ZDHHC14: variants seen among roughly 807,000 people sequenced by gnomAD.
ZDHHC14 encodes palmitoyltransferase ZDHHC14.
Under a neutral mutation model 47.7 loss-of-function variants are expected in ZDHHC14, and 16 were observed. The ratio of observed to expected loss-of-function variants is 0.34; its 90% CI spans 0.23 to 0.51. ZDHHC14 has a LOEUF of 0.51. Among genes scored for constraint, ZDHHC14 ranks in the 20% least tolerant of loss-of-function variants. The probability of loss-of-function intolerance (pLI) is 0.97; values close to 1 mark genes in which losing one functional copy is unlikely to be tolerated. For missense variants in ZDHHC14, 515 were observed against 662.5 expected (o/e 0.78, Z 2.44); for synonymous variants, 293 against 278.9 (o/e 1.05, Z -0.50).
intron 1 of ZDHHC14, among the ~76,000 whole-genome samples, chr6:157,414,821 C>T (rs377223864): frequency 8.9e-6 from 1 of 111,992 alleles, no homozygotes; most frequent in Non-Finnish European, 1.7e-5. Context: ...AGGTTTGCAG[C>T]TTTTTTTTTT....
chr6:157,383,406 A>G (rs1777252728), intron 1 of ZDHHC14, among the ~76,000 whole-genome samples: 1 of 152,200 alleles, frequency 6.6e-6, no homozygotes, highest in Admixed American at 6.5e-5. Context: ...GGTAGGCTCA[A>G]TTAAAACCTT....
chr6:157,602,623 G>A (rs1326555526), intron 3 of ZDHHC14, among the ~76,000 whole-genome samples: 1 of 152,134 alleles, frequency 6.6e-6, no homozygotes, highest in Non-Finnish European at 1.5e-5. Flanking sequence ...TAGACTACCT[G>A]GGGTACTGAA....
At chr6:157,614,817 C>T (rs1178212364) in intron 3 of ZDHHC14, among the ~76,000 whole-genome samples, 1 of 151,634 alleles carries the variant, frequency 6.6e-6, no homozygotes, top group Non-Finnish European at 1.5e-5. Flanking sequence ...GTCACCCACG[C>T]TGGAGTGCAA....
At chr6:157,390,999 A>G (rs1583604615) in intron 1 of ZDHHC14, among the ~76,000 whole-genome samples, 2 of 152,130 alleles carry the variant, frequency 1.3e-5, no homozygotes, top group Non-Finnish European at 1.5e-5. Context: ...TTCTTTTTTC[A>G]GGCCACTAGT....
intron 1 of ZDHHC14, among the ~76,000 whole-genome samples, chr6:157,512,783 T>G (rs1780541150): frequency 6.6e-6 from 1 of 152,250 alleles, no homozygotes; most frequent in African/African-American, 2.4e-5. Context: ...TTTTCTAATC[T>G]GTACACTCAT....
chr6:157,481,063 A>G (rs1387087310), intron 1 of ZDHHC14, among the ~76,000 whole-genome samples: 1 of 152,118 alleles, frequency 6.6e-6, no homozygotes, highest in Non-Finnish European at 1.5e-5. Context: ...CGAAACCATT[A>G]TTTTCTATTT....
chr6:157,435,566 G>T (rs1778424451), intron 1 of ZDHHC14, among the ~76,000 whole-genome samples: 1 of 151,718 alleles, frequency 6.6e-6, no homozygotes, highest in Non-Finnish European at 1.5e-5. Context: ...TTAAGATAGG[G>T]TCTGGCTCTT....
chr6:157,672,901 C>G lies in ZDHHC14; in HGVS notation c.1246C>G (p.Pro416Ala). The G allele has an allele frequency of 1.9e-6, 3 of 1,605,350 alleles. No individual in the cohort carries two copies. The highest frequency in any genetic ancestry group is 2.5e-6 in the Non-Finnish European group (3 of 1,177,352). The change falls in exon 9 of 9, where the codon CCC (proline) becomes GCC (alanine). Residue 416 changes from proline to alanine, a missense_variant. Pro to Ala is a conservative substitution (Grantham distance 27, BLOSUM62 -1). This residue lies in a region of ZDHHC14 where 221 missense variants were observed against 233.6 expected (regional missense o/e 0.95). Coordinates refer to ENST00000359775, the MANE Select transcript of ZDHHC14 (RefSeq NM_024630.3). Reference sequence around the variant, plus strand: ...CCCGCCCACACCGCCCGCCTCCATGCCCAACCTCGCCGAGGCCACGCTCGC... The same window carrying G: ...CCCGCCCACACCGCCCGCCTCCATGGCCAACCTCGCCGAGGCCACGCTCGC... ...LGPPTPPASMPNLAEATLADV... is the reference protein window; with the variant it reads ...LGPPTPPASMANLAEATLADV...
At chr6:157,537,991 T>C (rs1158122925) in intron 1 of ZDHHC14, among the ~76,000 whole-genome samples, 1 of 152,214 alleles carries the variant, frequency 6.6e-6, no homozygotes, top group Non-Finnish European at 1.5e-5. Flanking sequence ...ACAGATGCTC[T>C]ATGCTTTTTC....
chr6:157,489,942 C>G (rs929372545), intron 1 of ZDHHC14, among the ~76,000 whole-genome samples: 4 of 152,038 alleles, frequency 2.6e-5, no homozygotes, highest in African/African-American at 9.7e-5. Context: ...CAGAAGGAGA[C>G]AAGTTAGGGA....
intron 1 of ZDHHC14, among the ~76,000 whole-genome samples, chr6:157,400,695 T>G (rs1410154148): frequency 6.6e-6 from 1 of 152,228 alleles, no homozygotes; most frequent in Non-Finnish European, 1.5e-5. Context: ...GTGTTCACCC[T>G]GCTGTGCCTT....
chr6:157,632,560 G>T (rs771214333), intron 4 of ZDHHC14: 2 of 501,800 alleles, frequency 4.0e-6, no homozygotes, highest in Non-Finnish European at 7.2e-6. Context: ...GGAGTCATCA[G>T]AACTATAATT....
chr6:157,554,595 G>A lies in ZDHHC14; in HGVS notation c.406+11850G>A, dbSNP rs1185429991. On this transcript the variant is annotated intron_variant, in intron 2 of 8. Transcript: ENST00000359775. ...GTAGAATAGGCACACGGGACTAGGG[G>A]CTCCCAAACTGGACTGCACAGATTT... Among the ~76,000 whole-genome samples, 6 of 152,164 alleles carry A rather than the reference G, an allele frequency of 3.9e-5. No individual in the cohort carries two copies. The East Asian group carries it at 1.2e-3, about 29-fold the overall frequency.
intron 3 of ZDHHC14, among the ~76,000 whole-genome samples, chr6:157,619,557 A>AG (rs754948606): frequency 1.3e-5 from 2 of 152,368 alleles, no homozygotes. Flanking sequence ...TGGCAAGGCC[A>AG]GGGCAGGAGC....
chr6:157,657,390 C>T (rs1241821293), intron 8 of ZDHHC14, among the ~76,000 whole-genome samples: 1 of 152,202 alleles, frequency 6.6e-6, no homozygotes, highest in African/African-American at 2.4e-5. Context: ...TTCCAGAGAG[C>T]TTCCAGGGGA....
intron 3 of ZDHHC14, among the ~76,000 whole-genome samples, chr6:157,601,134 A>C (rs1784322353): frequency 6.6e-6 from 1 of 152,228 alleles, no homozygotes. Context: ...TGTTGTTTGA[A>C]AGTCCGTCAT....
chr6:157,599,802 C>G (rs1784274198), intron 3 of ZDHHC14, among the ~76,000 whole-genome samples: 1 of 152,142 alleles, frequency 6.6e-6, no homozygotes, highest in Non-Finnish European at 1.5e-5. Context: ...CCAACCAAGG[C>G]ATTAACGTCT....
At chr6:157,661,573 T>C (rs898751968) in intron 8 of ZDHHC14, among the ~76,000 whole-genome samples, 1 of 152,198 alleles carries the variant, frequency 6.6e-6, no homozygotes, top group Non-Finnish European at 1.5e-5. Context: ...AAATAGCTTA[T>C]GCAGTGGGGA....
At chr6:157,659,345 T>C (rs548515224) in intron 8 of ZDHHC14, among the ~76,000 whole-genome samples, 32 of 152,284 alleles carry the variant, frequency 2.1e-4, no homozygotes, top group African/African-American at 7.5e-4. Context: ...GCAGAGCGAG[T>C]TCCAGCGTGG....
Sources: gnomAD v4.1 joint callset for allele counts (sites outside exome capture counted in the v4.1 genomes callset) on GRCh38, gnomAD v4.1.1 for gene constraint, gnomAD v4.1.1 regional missense constraint, MANE v1.5 for transcripts, NCBI Gene and HGNC (gene_info 2026-07-23, HGNC 2026-07-21) for gene names.